NCKAP5: variants seen among roughly 807,000 people sequenced by gnomAD.
The protein encoded by NCKAP5 is nck-associated protein 5.
In NCKAP5, 92 loss-of-function variants were observed where a neutral mutation model predicts 167.0. The observed-to-expected ratio is 0.55, with a 90% CI of 0.47 to 0.66. NCKAP5 has a LOEUF of 0.66. Ranked by LOEUF, NCKAP5 falls within the 30% of genes least tolerant of loss-of-function variation. The probability of loss-of-function intolerance (pLI) is 0.00; values close to 1 mark genes in which losing one functional copy is unlikely to be tolerated. For synonymous variants in NCKAP5, 891 were observed against 877.4 expected, an observed-to-expected ratio of 1.02 and a Z score of -0.27; for missense variants, 2,378 against 2,315.0, an observed-to-expected ratio of 1.03 and a Z score of -0.56.
chr2:133,619,024 A>C, the NCKAP5 span, among the ~76,000 whole-genome samples: 1,904 of 142,044 alleles, frequency 0.013, 57 homozygotes, highest in African/African-American at 0.047. Context: ...ATGAAATTGG[A>C]AATCATCATT....
At chr2:133,545,461 A>G (rs547952326) in intron 2 of NCKAP5, among the ~76,000 whole-genome samples, 11 of 152,264 alleles carry the variant, frequency 7.2e-5, no homozygotes, top group African/African-American at 2.6e-4. Flanking sequence ...ACTGAAAGAC[A>G]GGTATGACCT....
intron 4 of NCKAP5, among the ~76,000 whole-genome samples, chr2:133,233,873 C>G (rs776764061): frequency 2.0e-5 from 3 of 152,172 alleles, no homozygotes; most frequent in Non-Finnish European, 4.4e-5. Flanking sequence ...TCCCCACATA[C>G]CTACAGAGGC....
intron 4 of NCKAP5, among the ~76,000 whole-genome samples, chr2:133,239,998 A>G (rs191691497): frequency 7.9e-5 from 12 of 152,292 alleles, no homozygotes; most frequent in Non-Finnish European, 1.5e-4. Flanking sequence ...CAAAACTGAA[A>G]TCATATTTTC....
chr2:133,539,876 G>A (rs1033240280), intron 2 of NCKAP5, among the ~76,000 whole-genome samples: 1 of 152,096 alleles, frequency 6.6e-6, no homozygotes, highest in Admixed American at 6.5e-5. Flanking sequence ...CAAAACAGAA[G>A]AACATGTGAA....
chr2:133,406,808 C>A (rs978807480), intron 3 of NCKAP5, among the ~76,000 whole-genome samples: 6 of 152,168 alleles, frequency 3.9e-5, no homozygotes, highest in Non-Finnish European at 8.8e-5. Context: ...TGACTTTGGC[C>A]ACAGTTTAGC....
At chr2:133,109,525 G>C (rs2081838353) in intron 6 of NCKAP5, among the ~76,000 whole-genome samples, 1 of 152,006 alleles carries the variant, frequency 6.6e-6, no homozygotes, top group Non-Finnish European at 1.5e-5. Flanking sequence ...TAGAATACTA[G>C]GAAGTATTAT....
At chr2:132,681,554 TA>T (rs1200975429) in intron 19 of NCKAP5, among the ~76,000 whole-genome samples, 2 of 152,086 alleles carry the variant, frequency 1.3e-5, no homozygotes, top group Non-Finnish European at 2.9e-5. Context: ...ATAGATTTTT[TA>T]CTGTTTGTAA....
rs555173753 is a variant in NCKAP5, at chr2:133,166,094, G to A, written c.208-35983C>T. Among the ~76,000 whole-genome samples, 20 of 152,262 alleles carry A rather than the reference G, an allele frequency of 1.3e-4. No homozygotes were observed. The South Asian group carries it at 3.1e-3, about 24-fold the overall frequency. ...AATAGGGCCCTGCAGTGGAAGGAAT[G>A]GGGTGAGGTCCATCAGAGAAAGTCT... On this transcript the variant is annotated intron_variant, in intron 5 of 19. Coordinates refer to ENST00000409261, the MANE Select transcript of NCKAP5 (RefSeq NM_207363.3).
intron 2 of NCKAP5, among the ~76,000 whole-genome samples, chr2:133,546,968 G>A (rs951780164): frequency 8.5e-5 from 13 of 152,106 alleles, no homozygotes; most frequent in Non-Finnish European, 1.9e-4. Context: ...CTGAGGTACC[G>A]GGTTTATCTC....
intron 6 of NCKAP5, among the ~76,000 whole-genome samples, chr2:132,999,146 G>C (rs990409944): frequency 1.3e-5 from 2 of 152,056 alleles, no homozygotes; most frequent in African/African-American, 4.8e-5. Context: ...TATGTCTCAG[G>C]TAACATTAGG....
intron 8 of NCKAP5, among the ~76,000 whole-genome samples, chr2:132,912,938 C>T (rs1164881726): frequency 6.6e-6 from 1 of 152,086 alleles, no homozygotes; most frequent in Non-Finnish European, 1.5e-5. Flanking sequence ...CACAAATTTC[C>T]AGTTTGCTTT....
chr2:133,142,819 C>T, intron 5 of NCKAP5, among the ~76,000 whole-genome samples: 1 of 152,136 alleles, frequency 6.6e-6, no homozygotes, highest in East Asian at 1.9e-4. Flanking sequence ...CCTCCAAAAT[C>T]TCCCTTTCCA....
At chr2:132,680,265 C>A (rs557127586) in intron 19 of NCKAP5, among the ~76,000 whole-genome samples, 30 of 152,254 alleles carry the variant, frequency 2.0e-4, no homozygotes, top group African/African-American at 7.2e-4. Flanking sequence ...CTCCCTCCAA[C>A]CACACTCACG....
chr2:133,220,578 A>G (rs1404535208), intron 4 of NCKAP5, among the ~76,000 whole-genome samples: 1 of 152,190 alleles, frequency 6.6e-6, no homozygotes, highest in African/African-American at 2.4e-5. Flanking sequence ...TCAGAATACC[A>G]CTGACACCTC....
chr2:133,389,187 C>T (rs911175481), intron 3 of NCKAP5, among the ~76,000 whole-genome samples: 1 of 152,214 alleles, frequency 6.6e-6, no homozygotes, highest in African/African-American at 2.4e-5. Flanking sequence ...CTGCCCCCCA[C>T]ATTCTAGGAT....
At chr2:133,540,721 A>C (rs936420927) in intron 2 of NCKAP5, among the ~76,000 whole-genome samples, 5 of 152,122 alleles carry the variant, frequency 3.3e-5, no homozygotes, top group Admixed American at 3.3e-4. Context: ...GGATCACCTG[A>C]GGTTGTGAGT....
chr2:133,256,567 G>A (rs1319493542), intron 4 of NCKAP5, among the ~76,000 whole-genome samples: 1 of 152,008 alleles, frequency 6.6e-6, no homozygotes, highest in Non-Finnish European at 1.5e-5. Context: ...ATTCTCACAA[G>A]CATACACAAT....
chr2:133,570,987 T>C (rs1366258200), upstream of NCKAP5, among the ~76,000 whole-genome samples: 1 of 152,112 alleles, frequency 6.6e-6, no homozygotes, highest in Non-Finnish European at 1.5e-5. Flanking sequence ...AGCCATACAT[T>C]AGAGCCTATG....
chr2:132,974,485 T>C (rs2149247077), intron 7 of NCKAP5, among the ~76,000 whole-genome samples: 1 of 152,326 alleles, frequency 6.6e-6, no homozygotes, highest in Middle Eastern at 3.4e-3. Context: ...AGGGCAAATA[T>C]TCTGGACTCC....
Sources: allele counts gnomAD v4.1 joint callset (sites outside exome capture counted in the v4.1 genomes callset), GRCh38; gene constraint gnomAD v4.1.1; transcripts MANE v1.5; gene names NCBI Gene and HGNC (gene_info 2026-07-23, HGNC 2026-07-21).